The following THSD7A variants were observed in gnomAD, a reference collection of about 807,000 sequenced individuals.
THSD7A encodes thrombospondin type 1 domain containing 7A, also known as thrombospondin type-1 domain-containing protein 7A.
Under a neutral mutation model 231.3 loss-of-function variants are expected in THSD7A, and 96 were observed. The ratio of observed to expected loss-of-function variants is 0.41; its 90% CI spans 0.35 to 0.49. THSD7A has a LOEUF of 0.49. Among genes scored for constraint, THSD7A ranks in the 20% least tolerant of loss-of-function variants. The pLI is 0.05. For missense variants in THSD7A, 2,290 were observed against 2,070.2 expected (o/e 1.11, Z -2.06); for synonymous variants, 940 against 743.3 (o/e 1.26, Z -4.30).
intron 1 of THSD7A, among the ~76,000 whole-genome samples, chr7:11,801,283 C>T (rs760638573): frequency 2.0e-5 from 3 of 152,086 alleles, no homozygotes; most frequent in Admixed American, 6.5e-5. Flanking sequence ...TAATTTCCTT[C>T]CTTCCTTCCT....
At chr7:11,800,438 A>G (rs1784243506) in intron 1 of THSD7A, among the ~76,000 whole-genome samples, 1 of 152,042 alleles carries the variant, frequency 6.6e-6, no homozygotes, top group Non-Finnish European at 1.5e-5. Flanking sequence ...AATCCCAGCT[A>G]TTCGGGAGGC....
chr7:11,807,775 A>C (rs985235479), intron 1 of THSD7A, among the ~76,000 whole-genome samples: 2 of 152,188 alleles, frequency 1.3e-5, no homozygotes, highest in African/African-American at 4.8e-5. Context: ...CCTAAGTTTT[A>C]AATCAATAAT....
intron 11 of THSD7A, among the ~76,000 whole-genome samples, chr7:11,448,619 C>T (rs527624377): frequency 1.6e-4 from 24 of 152,048 alleles, no homozygotes; most frequent in Non-Finnish European, 3.2e-4. Context: ...TAGACAACAC[C>T]GTCTGGATCT....
intron 23 of THSD7A, among the ~76,000 whole-genome samples, chr7:11,388,620 G>A (rs766174262): frequency 6.6e-6 from 1 of 151,958 alleles, no homozygotes; most frequent in African/African-American, 2.4e-5. Context: ...TATCTATTTT[G>A]TTGATCTTTT....
intron 1 of THSD7A, among the ~76,000 whole-genome samples, chr7:11,789,647 C>A (rs1433482989): frequency 6.6e-6 from 1 of 151,764 alleles, no homozygotes; most frequent in African/African-American, 2.4e-5. Context: ...ATATTGTTAA[C>A]TATAGACATG....
At chr7:11,428,873 T>G in intron 14 of THSD7A, 74 bp downstream of exon 14, 1 of 1,512,588 alleles carries the variant, frequency 6.6e-7, no homozygotes, top group Non-Finnish European at 8.9e-7. Flanking sequence ...TATTTCCTCT[T>G]CTCCATTTTG....
intron 2 of THSD7A, among the ~76,000 whole-genome samples, chr7:11,595,549 G>C (rs959848902): frequency 6.6e-6 from 1 of 152,154 alleles, no homozygotes; most frequent in Non-Finnish European, 1.5e-5. Flanking sequence ...ATCTCCCCTG[G>C]TTTAATGTAG....
intron 6 of THSD7A, among the ~76,000 whole-genome samples, chr7:11,513,040 G>C (rs1420965790): frequency 6.7e-6 from 1 of 149,804 alleles, no homozygotes; most frequent in Non-Finnish European, 1.5e-5. Context: ...CTATTATTCT[G>C]AGTGAAGTAA....
At chr7:11,656,802 C>T (rs10499418) in intron 1 of THSD7A, among the ~76,000 whole-genome samples, 83,291 of 151,560 alleles carry the variant, frequency 0.55, 23,090 homozygotes, top group Admixed American at 0.61. Flanking sequence ...TACCTGAAGT[C>T]GGAAGGTGGG....
intron 4 of THSD7A, among the ~76,000 whole-genome samples, chr7:11,575,591 G>C (rs1790862412): frequency 6.6e-6 from 1 of 152,178 alleles, no homozygotes; most frequent in East Asian, 1.9e-4. Context: ...CTGTACTCCA[G>C]ATACTTGTGT....
At chr7:11,824,438 C>T (rs1022648576) in intron 1 of THSD7A, among the ~76,000 whole-genome samples, 3 of 152,062 alleles carry the variant, frequency 2.0e-5, no homozygotes, top group African/African-American at 7.2e-5. Flanking sequence ...TTCCTCCCAC[C>T]ATCAGGCCTG....
intron 4 of THSD7A, among the ~76,000 whole-genome samples, chr7:11,569,521 A>G (rs1346146646): frequency 3.3e-5 from 5 of 152,236 alleles, no homozygotes; most frequent in African/African-American, 1.2e-4. Flanking sequence ...AATTGAGAAA[A>G]CATAAGAAAT....
At chr7:11,800,828 A>T (rs544025468) in intron 1 of THSD7A, among the ~76,000 whole-genome samples, 1 of 152,322 alleles carries the variant, frequency 6.6e-6, no homozygotes, top group African/African-American at 2.4e-5. Flanking sequence ...ACCTATAGTT[A>T]ACAATGCAGT....
At chr7:11,381,964 T>TAATAA (rs1259218704) in intron 24 of THSD7A, among the ~76,000 whole-genome samples, 2 of 152,178 alleles carry the variant, frequency 1.3e-5, no homozygotes, top group Non-Finnish European at 2.9e-5. Flanking sequence ...TTTGGATATA[T>TAATAA]AATAATTTGG....
At chr7:11,461,365 T>G (rs1785499582) in intron 10 of THSD7A, among the ~76,000 whole-genome samples, 1 of 152,216 alleles carries the variant, frequency 6.6e-6, no homozygotes, top group African/African-American at 2.4e-5. Flanking sequence ...ATTTTGTGAT[T>G]ACATTTTTCA....
intron 8 of THSD7A, 48 bp from the exon 9 acceptor site, chr7:11,470,042 A>G (rs1402887563): frequency 9.4e-6 from 12 of 1,274,770 alleles, no homozygotes; most frequent in Non-Finnish European, 2.2e-6. Flanking sequence ...AAAGCAGAAA[A>G]TCAGATAATT....
intron 6 of THSD7A, among the ~76,000 whole-genome samples, chr7:11,483,836 C>T (rs958051845): frequency 2.0e-4 from 30 of 152,110 alleles, no homozygotes; most frequent in African/African-American, 7.2e-4. Context: ...CTAATAGTTA[C>T]CTAATCTTTT....
intron 1 of THSD7A, among the ~76,000 whole-genome samples, chr7:11,828,536 A>T (rs572590426): frequency 3.7e-4 from 57 of 152,264 alleles, no homozygotes. Flanking sequence ...TTGTGTACTT[A>T]TAGTGTTGTT....
At chr7:11,453,882 T>C (rs1785221831) in intron 11 of THSD7A, among the ~76,000 whole-genome samples, 1 of 152,072 alleles carries the variant, frequency 6.6e-6, no homozygotes. Flanking sequence ...ATTATGGTCA[T>C]ATATTTCTAA....
Sources: allele counts gnomAD v4.1 joint callset (sites outside exome capture counted in the v4.1 genomes callset), GRCh38; gene constraint gnomAD v4.1.1; transcripts MANE v1.5; gene names NCBI Gene and HGNC (gene_info 2026-07-23, HGNC 2026-07-21).